The following LUZP2 variants were observed in gnomAD, a reference collection of about 807,000 sequenced individuals.
The protein encoded by LUZP2 is leucine zipper protein 2.
LUZP2 carries 52 observed loss-of-function variants against 51.6 expected under a neutral mutation model. The ratio of observed to expected loss-of-function variants is 1.01; its 90% CI spans 0.81 to 1.27. LUZP2 has a LOEUF of 1.27. Ranked by LOEUF, LUZP2 falls within the 50% of genes most tolerant of loss-of-function variation. The probability of loss-of-function intolerance (pLI) is 0.00; values close to 1 mark genes in which losing one functional copy is unlikely to be tolerated. For synonymous variants in LUZP2, 154 were observed against 137.3 expected (o/e 1.12, Z -0.85); for missense variants, 436 against 395.4 (o/e 1.10, Z -0.87).
At chr11:24,705,932 A>AT (rs1857566637) in intron 1 of LUZP2, among the ~76,000 whole-genome samples, 2 of 146,368 alleles carry the variant, frequency 1.4e-5, no homozygotes, top group Non-Finnish European at 1.5e-5. Context: ...GCGCTAAAAA[A>AT]GAAAAAAAAA....
chr11:24,747,332 C>T (rs1213438576), intron 4 of LUZP2, among the ~76,000 whole-genome samples: 19 of 152,132 alleles, frequency 1.2e-4, no homozygotes, highest in Admixed American at 1.2e-3. Context: ...GGTCTAGCCA[C>T]CCAGCAAGTC....
chr11:24,807,024 CAAAAAAAAA>C (rs34565471), intron 5 of LUZP2, among the ~76,000 whole-genome samples: 5 of 110,292 alleles, frequency 4.5e-5, no homozygotes, highest in Non-Finnish European at 8.8e-5. Context: ...GAAAATCCAC[CAAAAAAAAA>C]AAAAAAAAAA....
intron 7 of LUZP2, among the ~76,000 whole-genome samples, chr11:24,970,323 C>G (rs1435791304): frequency 6.6e-6 from 1 of 152,034 alleles, no homozygotes; most frequent in Non-Finnish European, 1.5e-5. Flanking sequence ...TTTCCATAAA[C>G]CTGATATGTC....
chr11:25,029,620 C>A (rs10160304), intron 9 of LUZP2, among the ~76,000 whole-genome samples: 86,406 of 151,098 alleles, frequency 0.57, 26,006 homozygotes, highest in African/African-American at 0.75. Context: ...ACCTGTAATC[C>A]CAGCTACTTG....
chr11:24,566,103 T>C lies in LUZP2; in HGVS notation c.62+68798T>C, dbSNP rs144585287. On this transcript the variant is annotated intron_variant, in intron 1 of 11. Transcript: ENST00000336930. The stretch of plus-strand genomic sequence containing the variant: ...ATAGAAAAAATGCGACCCATGCACA[T>C]GAAAATAAAGCAGGCAACAGAAACT... Among the ~76,000 whole-genome samples the C allele has an allele frequency of 4.4e-3, 667 of 151,686 alleles. 5 individuals carry two copies. The highest frequency in any genetic ancestry group is 0.014 in the African/African-American group (599 of 41,434).
At chr11:24,761,948 G>A (rs1455833078) in intron 4 of LUZP2, among the ~76,000 whole-genome samples, 2 of 150,750 alleles carry the variant, frequency 1.3e-5, no homozygotes, top group African/African-American at 2.4e-5. Context: ...GGGGGGTGGG[G>A]GTGAAGAAAG....
intron 5 of LUZP2, among the ~76,000 whole-genome samples, chr11:24,859,820 C>T (rs1851682207): frequency 6.6e-6 from 1 of 152,204 alleles, no homozygotes; most frequent in African/African-American, 2.4e-5. Flanking sequence ...GTGCTTTTTC[C>T]ACTGAACTGT....
At chr11:24,519,594 A>G (rs534780660) in intron 1 of LUZP2, among the ~76,000 whole-genome samples, 3 of 152,294 alleles carry the variant, frequency 2.0e-5, no homozygotes, top group Non-Finnish European at 4.4e-5. Context: ...TCCTTGGGAA[A>G]GGGTTTCGCC....
At chr11:24,950,106 A>T (rs923852764) in intron 7 of LUZP2, among the ~76,000 whole-genome samples, 1 of 150,764 alleles carries the variant, frequency 6.6e-6, no homozygotes, top group Non-Finnish European at 1.5e-5. Context: ...AAGTAGATAG[A>T]TGTATGAGTA....
chr11:25,008,087 C>A (rs1856882951), intron 9 of LUZP2, among the ~76,000 whole-genome samples: 1 of 152,150 alleles, frequency 6.6e-6, no homozygotes, highest in African/African-American at 2.4e-5. Context: ...TCTGTGTGAC[C>A]AGTCGTGTCC....
At chr11:24,972,527 A>G (rs1234994507) in intron 7 of LUZP2, among the ~76,000 whole-genome samples, 1 of 152,152 alleles carries the variant, frequency 6.6e-6, no homozygotes, top group Non-Finnish European at 1.5e-5. Context: ...TCCAGTGTTC[A>G]TCTCCTACCA....
chr11:25,078,242 TA>T (rs1859372879), intron 11 of LUZP2, among the ~76,000 whole-genome samples: 1 of 152,250 alleles, frequency 6.6e-6, no homozygotes, highest in South Asian at 2.1e-4. Context: ...CACTTAATAC[TA>T]AAACGTGGAG....
At chr11:24,901,293 T>A (rs1853273334) in intron 5 of LUZP2, among the ~76,000 whole-genome samples, 1 of 151,976 alleles carries the variant, frequency 6.6e-6, no homozygotes, top group African/African-American at 2.4e-5. Flanking sequence ...CAAAGGCACT[T>A]AGATATTTCA....
At chr11:24,804,524 G>T (rs1227665413) in intron 5 of LUZP2, among the ~76,000 whole-genome samples, 2 of 152,154 alleles carry the variant, frequency 1.3e-5, no homozygotes, top group Non-Finnish European at 2.9e-5. Context: ...CCCTGCAGAA[G>T]TATGATTGAA....
chr11:24,666,884 G>A (rs1042977347), intron 1 of LUZP2, among the ~76,000 whole-genome samples: 8 of 152,160 alleles, frequency 5.3e-5, no homozygotes, highest in East Asian at 1.9e-4. Context: ...AAGAAGCAAA[G>A]CATGGTGGAC....
At chr11:24,510,643 T>C (rs1850280462) in intron 1 of LUZP2, among the ~76,000 whole-genome samples, 2 of 152,208 alleles carry the variant, frequency 1.3e-5, no homozygotes, top group South Asian at 4.1e-4. Context: ...CATCAACCCT[T>C]ACTCTGTTAA....
intron 1 of LUZP2, among the ~76,000 whole-genome samples, chr11:24,525,312 G>A (rs988141920): frequency 1.1e-4 from 16 of 151,646 alleles, no homozygotes; most frequent in African/African-American, 3.6e-4. Context: ...GTTTACAAAG[G>A]TAGAGAAATT....
intron 11 of LUZP2, among the ~76,000 whole-genome samples, chr11:25,077,879 G>GT (rs1472076394): frequency 1.3e-5 from 2 of 152,092 alleles, no homozygotes; most frequent in African/African-American, 4.8e-5. Context: ...TAAAGCCATG[G>GT]TGCCCCTGGG....
intron 5 of LUZP2, among the ~76,000 whole-genome samples, chr11:24,865,719 T>G (rs1460301593): frequency 2.1e-5 from 1 of 46,754 alleles, no homozygotes; most frequent in Non-Finnish European, 5.3e-5. Context: ...TGTATATATA[T>G]ATATATATGT....
Sources: gnomAD v4.1 joint callset for allele counts (sites outside exome capture counted in the v4.1 genomes callset) on GRCh38, gnomAD v4.1.1 for gene constraint, MANE v1.5 for transcripts, NCBI Gene and HGNC (gene_info 2026-07-23, HGNC 2026-07-21) for gene names.